CDH4: variants seen among roughly 807,000 people sequenced by gnomAD.
The protein encoded by CDH4 is cadherin-4.
Under a neutral mutation model 86.0 loss-of-function variants are expected in CDH4, and 33 were observed. The observed-to-expected ratio is 0.38, with a 90% CI of 0.29 to 0.51. The LOEUF (loss-of-function observed/expected upper bound fraction) is 0.51, where lower values mean the gene tolerates loss of function less well. Among genes scored for constraint, CDH4 ranks in the 20% least tolerant of loss-of-function variants. The probability of loss-of-function intolerance (pLI) is 0.86; values close to 1 mark genes in which losing one functional copy is unlikely to be tolerated. For synonymous variants in CDH4, 555 were observed against 549.4 expected (o/e 1.01, Z -0.14); for missense variants, 1,114 against 1,307.4 (o/e 0.85, Z 2.28).
intron 2 of CDH4, among the ~76,000 whole-genome samples, chr20:61,266,092 T>C (rs1315184427): frequency 4.6e-5 from 7 of 152,294 alleles, no homozygotes; most frequent in South Asian, 2.1e-4. Flanking sequence ...AAGCCTTCCA[T>C]GACAGATAAA....
intron 2 of CDH4, among the ~76,000 whole-genome samples, chr20:61,428,848 G>A (rs372942452): frequency 4.4e-4 from 67 of 152,252 alleles, no homozygotes; most frequent in African/African-American, 1.5e-3. Context: ...GAGAGTGAGC[G>A]AGAGCAGGCG....
intron 4 of CDH4, among the ~76,000 whole-genome samples, chr20:61,833,757 C>T (rs4925301): frequency 1 from 152,313 of 152,320 alleles, 76,153 homozygotes; most frequent in Non-Finnish European, 1. Flanking sequence ...CCATCAGCAT[C>T]GAATTACAGA....
At chr20:61,491,707 G>A (rs1248715528) in intron 2 of CDH4, among the ~76,000 whole-genome samples, 2 of 152,114 alleles carry the variant, frequency 1.3e-5, no homozygotes, top group African/African-American at 4.8e-5. Context: ...TGATGCTGGT[G>A]GTATTGATGT....
chr20:61,912,007 G>A (rs777765905), intron 9 of CDH4, among the ~76,000 whole-genome samples: 18 of 152,214 alleles, frequency 1.2e-4, no homozygotes, highest in Non-Finnish European at 7.3e-5. Flanking sequence ...ACAATCAACA[G>A]AAACCCTGGC....
Position 61,391,987 on chromosome 20 carries a change from T to TGACTCAGCATGGA in CDH4, c.169+137053_169+137065dup, listed in dbSNP as rs532737735. 5.3e-4 allele frequency among the ~76,000 whole-genome samples: 80 copies of TGACTCAGCATGGA among 152,192 alleles called. No individual in the cohort carries two copies. In the South Asian group the frequency reaches 5.4e-3, roughly 10 times the overall value. On this transcript the variant is annotated intron_variant, in intron 2 of 15. Coordinates refer to ENST00000614565, the MANE Select transcript of CDH4 (RefSeq NM_001794.5). The stretch of plus-strand genomic sequence containing the variant: ...GCAATTGGGAGAAAGACAGCCCCAG[T>TGACTCAGCATGGA]GACTCAGCATGGAGATATTATGGGA...
chr20:61,871,354 G>A (rs540665335), intron 6 of CDH4, among the ~76,000 whole-genome samples: 71 of 152,162 alleles, frequency 4.7e-4, no homozygotes, highest in Admixed American at 1.8e-3. Flanking sequence ...TCAGCTTGAA[G>A]TCTTCTCATT....
At chr20:61,494,787 T>G (rs1227243380) in intron 2 of CDH4, among the ~76,000 whole-genome samples, 1 of 152,280 alleles carries the variant, frequency 6.6e-6, no homozygotes, top group Non-Finnish European at 1.5e-5. Flanking sequence ...TTGTGAATTC[T>G]TTATCTGTTT....
At chr20:61,923,885 A>G (rs762990174) in intron 10 of CDH4, among the ~76,000 whole-genome samples, 181 bp downstream of exon 10, 1 of 152,204 alleles carries the variant, frequency 6.6e-6, no homozygotes, top group Non-Finnish European at 1.5e-5. Context: ...AGATAGCCAG[A>G]TGCAGCCCCT....
At chr20:61,405,801 C>A (rs2085078350) in intron 2 of CDH4, among the ~76,000 whole-genome samples, 1 of 151,856 alleles carries the variant, frequency 6.6e-6, no homozygotes, top group South Asian at 2.1e-4. Flanking sequence ...TCACGCCATT[C>A]TCCCGAGTAG....
At chr20:61,319,442 G>A (rs922387037) in intron 2 of CDH4, among the ~76,000 whole-genome samples, 1 of 152,096 alleles carries the variant, frequency 6.6e-6, no homozygotes, top group South Asian at 2.1e-4. Flanking sequence ...CACCTTGTGG[G>A]CTCATCAAGG....
chr20:61,837,815 C>T (rs2146090890), intron 4 of CDH4, among the ~76,000 whole-genome samples: 1 of 152,232 alleles, frequency 6.6e-6, no homozygotes, highest in South Asian at 2.1e-4. Context: ...AGGAGCCTTC[C>T]TTCTCCTCCT....
chr20:61,654,268 C>G (rs2087162788), intron 2 of CDH4, among the ~76,000 whole-genome samples: 1 of 152,012 alleles, frequency 6.6e-6, no homozygotes, highest in Non-Finnish European at 1.5e-5. Flanking sequence ...ACCAAAAAAA[C>G]ATGAAAACCA....
intron 9 of CDH4, among the ~76,000 whole-genome samples, chr20:61,913,829 G>A (rs2054876887): frequency 1.3e-5 from 2 of 152,196 alleles, no homozygotes; most frequent in African/African-American, 4.8e-5. Context: ...ACAGCAGCCA[G>A]GTGGGCACAG....
At chr20:61,724,168 C>T (rs1261852811) in intron 2 of CDH4, among the ~76,000 whole-genome samples, 1 of 151,662 alleles carries the variant, frequency 6.6e-6, no homozygotes, top group Non-Finnish European at 1.5e-5. Context: ...AGGATGGAGG[C>T]TCCATGCGGC....
At position 61,709,002 on chromosome 20, in the gene CDH4, G is replaced by A. The variant is rs944253; in HGVS notation, c.170-34561G>A. Among the ~76,000 whole-genome samples the A allele has an allele frequency of 3.7e-4, 57 of 152,344 alleles. No individual in the cohort carries two copies. Among genetic ancestry groups the A allele is most frequent in the African/African-American group, 1.3e-3 (56 of 41,590 alleles). ...AGACCTGCTCAGCCCTGCCTTCCCC[G>A]AAGGACCTCAGGCTACACGGGCAGT... On this transcript the variant is annotated intron_variant, in intron 2 of 15. Transcript: ENST00000614565. The surrounding 1 kb of genome is among the most constrained non-coding windows in gnomAD (Gnocchi z 4.8).
intron 4 of CDH4, among the ~76,000 whole-genome samples, chr20:61,779,586 G>A (rs964429771): frequency 2.6e-5 from 4 of 152,230 alleles, no homozygotes; most frequent in Non-Finnish European, 5.9e-5. Flanking sequence ...TTTCCTTCAC[G>A]TCTTCTGGAT....
At chr20:61,548,792 A>G (rs1309792765) in intron 2 of CDH4, among the ~76,000 whole-genome samples, 7 of 152,212 alleles carry the variant, frequency 4.6e-5, no homozygotes, top group South Asian at 2.1e-4. Flanking sequence ...AAATGTCACA[A>G]ATGAGGAGTT....
intron 2 of CDH4, among the ~76,000 whole-genome samples, chr20:61,616,537 A>G (rs964805349): frequency 6.6e-6 from 1 of 152,202 alleles, no homozygotes. Context: ...GGTAAATAAT[A>G]GAACTCTCTC....
chr20:61,856,065 G>A (rs1172446411), intron 6 of CDH4, among the ~76,000 whole-genome samples: 8 of 152,122 alleles, frequency 5.3e-5, no homozygotes, highest in East Asian at 1.9e-4. Flanking sequence ...TCTCAGTGGC[G>A]GTCTTCCCAG....
Sources: gnomAD v4.1 joint callset for allele counts (sites outside exome capture counted in the v4.1 genomes callset) on GRCh38, gnomAD v4.1.1 for gene constraint, Gnocchi (gnomAD v3.1) non-coding constraint, MANE v1.5 for transcripts, NCBI Gene and HGNC (gene_info 2026-07-23, HGNC 2026-07-21) for gene names.